CHLSN: variants seen among roughly 807,000 people sequenced by gnomAD.
The protein encoded by CHLSN is cholesin.
the CHLSN span, among the ~76,000 whole-genome samples, chr7:1,084,487 T>C: frequency 6.6e-6 from 1 of 152,244 alleles, no homozygotes; most frequent in African/African-American, 2.4e-5. Context: ...CGCGTGGTAC[T>C]GTGAGCACCT....
chr7:995,635 G>A, the CHLSN span, among the ~76,000 whole-genome samples: 7 of 152,226 alleles, frequency 4.6e-5, no homozygotes, highest in Admixed American at 3.3e-4. Context: ...GGCTGAACAC[G>A]GACCCTTCCC....
chr7:1,036,266 C>G, the CHLSN span, among the ~76,000 whole-genome samples: 1 of 151,966 alleles, frequency 6.6e-6, no homozygotes, highest in African/African-American at 2.4e-5. Flanking sequence ...GGACTTCGGG[C>G]GGTTGTGCTG....
At chr7:1,053,073 G>T in the CHLSN span, among the ~76,000 whole-genome samples, 8 of 152,234 alleles carry the variant, frequency 5.3e-5, no homozygotes, top group Non-Finnish European at 8.8e-5. Context: ...CTGCCCAGTG[G>T]GGGGAGAAGC....
At chr7:1,009,437 C>T in the CHLSN span, among the ~76,000 whole-genome samples, 3 of 152,192 alleles carry the variant, frequency 2.0e-5, no homozygotes, top group African/African-American at 7.2e-5. Context: ...CCCCTGCAAT[C>T]CTGCACCGTC....
chr7:1,047,320 A>G, the CHLSN span, among the ~76,000 whole-genome samples: 2 of 152,250 alleles, frequency 1.3e-5, no homozygotes, highest in South Asian at 4.1e-4. Context: ...CTCTTTGTTT[A>G]TAGTCTAAGC....
chr7:1,012,387 C>A, the CHLSN span, among the ~76,000 whole-genome samples: 27 of 152,366 alleles, frequency 1.8e-4, no homozygotes, highest in Admixed American at 1.2e-3. Context: ...CGAGGGGAAC[C>A]CAGGCCGTCC....
At chr7:1,057,172 A>G in the CHLSN span, among the ~76,000 whole-genome samples, 2 of 152,068 alleles carry the variant, frequency 1.3e-5, no homozygotes, top group Admixed American at 6.6e-5. Context: ...GGCCCGTCCA[A>G]CCAACTCAGG....
At chr7:1,062,628 TGAC>T in the CHLSN span, among the ~76,000 whole-genome samples, 2 of 152,144 alleles carry the variant, frequency 1.3e-5, no homozygotes, top group African/African-American at 4.8e-5. Context: ...AAGTCACCAT[TGAC>T]TACACCCCTG....
chr7:988,731 G>A, the CHLSN span: 2 of 1,599,476 alleles, frequency 1.3e-6, no homozygotes, highest in Admixed American at 1.7e-5. Context: ...CCCCCGCCTG[G>A]CGTCAGTCCG....
the CHLSN span, among the ~76,000 whole-genome samples, chr7:1,115,561 A>C: frequency 0.034 from 3,374 of 98,326 alleles, 145 homozygotes; most frequent in Middle Eastern, 0.051. Context: ...CTCTACGGAC[A>C]GGCTTCCATC....
At chr7:1,073,660 T>C in the CHLSN span, among the ~76,000 whole-genome samples, 27,878 of 141,610 alleles carry the variant, frequency 0.2, 3,282 homozygotes, top group Middle Eastern at 0.31. Flanking sequence ...GCCCCCTGAC[T>C]CCGCACCCCG....
At chr7:1,006,269 G>A in the CHLSN span, among the ~76,000 whole-genome samples, 5 of 152,166 alleles carry the variant, frequency 3.3e-5, no homozygotes, top group African/African-American at 9.7e-5. Context: ...CCCCTGCTGG[G>A]AAAACGAGGG....
At chr7:1,095,614 C>T in the CHLSN span, among the ~76,000 whole-genome samples, 7 of 152,356 alleles carry the variant, frequency 4.6e-5, no homozygotes, top group East Asian at 5.8e-4. Context: ...GACGAGCTGA[C>T]GTGGGGAGAC....
At chr7:1,116,423 G>A in the CHLSN span, among the ~76,000 whole-genome samples, 5 of 135,688 alleles carry the variant, frequency 3.7e-5, no homozygotes, top group South Asian at 2.4e-4. Context: ...GCAGCTCTAC[G>A]GACCGGCTTC....
the CHLSN span, among the ~76,000 whole-genome samples, chr7:990,491 G>C: frequency 1.7e-4 from 26 of 152,008 alleles, no homozygotes; most frequent in Non-Finnish European, 3.5e-4. Context: ...GAGAGGATAA[G>C]CCGTGGCACA....
the CHLSN span, among the ~76,000 whole-genome samples, chr7:1,029,299 T>A: frequency 6.6e-6 from 1 of 152,150 alleles, no homozygotes; most frequent in Admixed American, 6.5e-5. Context: ...AGCTAATTTT[T>A]AAATTTTTTG....
chr7:1,009,001 GCACA>G, the CHLSN span, among the ~76,000 whole-genome samples: 80,942 of 149,336 alleles, frequency 0.54, 23,904 homozygotes, highest in African/African-American at 0.79. Context: ...ACACATACAC[GCACA>G]CACACACACA....
At chr7:1,018,533 C>T in the CHLSN span, among the ~76,000 whole-genome samples, 5 of 152,158 alleles carry the variant, frequency 3.3e-5, no homozygotes, top group African/African-American at 1.2e-4. Context: ...GTCCGCACTT[C>T]CTGCCCAGTG....
At chr7:1,092,218 C>T in the CHLSN span, 16 of 1,612,726 alleles carry the variant, frequency 9.9e-6, no homozygotes, top group Non-Finnish European at 1.4e-5. Context: ...CAGGGCCATG[C>T]GCTGCAGCCT....
Sources: gnomAD v4.1 joint callset for allele counts (sites outside exome capture counted in the v4.1 genomes callset) on GRCh38, gnomAD v4.1.1 for gene constraint, MANE v1.5 for transcripts, NCBI Gene and HGNC (gene_info 2026-07-23, HGNC 2026-07-21) for gene names.